Variants in OARD1 observed in about 807,000 individuals in gnomAD.
OARD1 encodes the protein ADP-ribose glycohydrolase OARD1.
Under a neutral mutation model 19.7 loss-of-function variants are expected in OARD1, and 19 were observed. The ratio of observed to expected loss-of-function variants is 0.96; its 90% confidence interval spans 0.67 to 1.41. OARD1 has a LOEUF of 1.41. Ranked by LOEUF, OARD1 falls within the 40% of genes most tolerant of loss-of-function variation. The pLI, the probability that OARD1 is intolerant of heterozygous loss-of-function variation, is 0.00. For synonymous variants in OARD1, 70 were observed against 61.8 expected (o/e 1.13, Z -0.62); for missense variants, 190 against 183.8 (o/e 1.03, Z -0.20).
chr6:41,076,857 A>C (rs553000253), upstream of OARD1, among the ~76,000 whole-genome samples: 1 of 152,338 alleles, frequency 6.6e-6, no homozygotes, highest in South Asian at 2.1e-4. Flanking sequence ...TACTGAAGCC[A>C]GTTGCTTATA....
upstream of OARD1, among the ~76,000 whole-genome samples, chr6:41,074,472 C>G (rs1176115294): frequency 6.6e-6 from 1 of 152,196 alleles, no homozygotes; most frequent in East Asian, 1.9e-4. Flanking sequence ...AGTATCCATG[C>G]GTGAGCTAGC....
At chr6:41,092,051 A>G (rs570047996) in intron 1 of OARD1, among the ~76,000 whole-genome samples, 1 of 152,376 alleles carries the variant, frequency 6.6e-6, no homozygotes, top group South Asian at 2.1e-4. Flanking sequence ...GCTAAAAATT[A>G]GAAAGATTGT....
Position 41,071,628 on chromosome 6 carries a change from T to C in OARD1, c.7A>G (p.Ser3Gly). Reference protein sequence around the residue: MASSLNEDPEGSR... With the variant: MAGSLNEDPEGSR... ...CCTTCTGGATCTTCATTAAGGCTGCTGGCCATGATACTGAGTCGCTATTTC... is the reference window on the plus strand; with the variant it reads ...CCTTCTGGATCTTCATTAAGGCTGCCGGCCATGATACTGAGTCGCTATTTC... Residue 3 changes from serine (S) to glycine (G), a missense_variant, in exon 2 of 6, where the codon AGC (serine) becomes GGC (glycine). Ser to Gly is a moderately conservative substitution (Grantham distance 56). Transcript: ENST00000424266. 1.2e-6 allele frequency: 2 copies of C among 1,613,372 alleles called. No homozygotes were observed. The highest frequency in any genetic ancestry group is 1.7e-6 in the Non-Finnish European group (2 of 1,179,244).
intron 1 of OARD1, among the ~76,000 whole-genome samples, chr6:41,084,556 G>T (rs757183551): frequency 6.6e-6 from 1 of 152,158 alleles, no homozygotes; most frequent in Non-Finnish European, 1.5e-5. Flanking sequence ...GAAAACTGAC[G>T]TATAGAAAGG....
At chr6:41,071,362 A>G (rs1763375214) in intron 2 of OARD1, 86 bp from the exon 3 acceptor site, 1 of 1,324,754 alleles carries the variant, frequency 7.5e-7, no homozygotes, top group South Asian at 1.3e-5. Flanking sequence ...GTCCCCCACG[A>G]CTACCTCTCC....
chr6:41,071,046 T>C lies in OARD1; in HGVS notation c.184+86A>G. 5 of 1,358,052 alleles carry C rather than the reference T, an allele frequency of 3.7e-6. No individual in the cohort carries two copies. The South Asian group carries it at 5.8e-5, about 16-fold the overall frequency. The allele number at this position is 1,358,052 out of a possible 1,614,324, so 84.1% of individuals were successfully genotyped here. The stretch of plus-strand genomic sequence containing the variant: ...AAACATTTGGTTCTTAGGAATCCCC[T>C]CTTTACACGCATATTTTATTAAAGT... On this transcript the variant is annotated intron_variant, in intron 3 of 5. Coordinates refer to ENST00000424266, the MANE Select transcript of OARD1 (RefSeq NM_001329686.2).
intron 1 of OARD1, chr6:41,079,309 C>T: frequency 2.8e-6 from 2 of 719,998 alleles, no homozygotes; most frequent in Non-Finnish European, 4.7e-6. Context: ...GCTGAAATGC[C>T]ATGTCTAGCC....
intron 1 of OARD1, chr6:41,079,200 T>C (rs1561850499): frequency 3.1e-6 from 5 of 1,588,192 alleles, no homozygotes; most frequent in Non-Finnish European, 4.3e-6. Context: ...ATTACAGCAA[T>C]GAAACTGATA....
In OARD1 at chr6:41,084,236, G is replaced by T. The variant is rs1490093179; in HGVS notation, c.-41-12561C>A. The T allele has an allele frequency of 1.9e-6, 3 of 1,589,714 alleles. No homozygotes were observed. In the Middle Eastern group the frequency reaches 5.0e-4, roughly 267 times the overall value. ...TATTGAGCAGTATATCAGAGGAGAG[G>T]TTTCAAAGAATAGATTATTACAACC... On this transcript the variant is annotated intron_variant, in intron 1 of 4. Coordinates refer to the OARD1 transcript ENST00000480585.
chr6:41,084,689 G>A (rs773029178), intron 1 of OARD1, among the ~76,000 whole-genome samples: 4 of 152,240 alleles, frequency 2.6e-5, no homozygotes, highest in Non-Finnish European at 4.4e-5. Flanking sequence ...AAGGCCAGGC[G>A]CAGTGGCTCA....
At chr6:41,070,270 C>T (rs546462229) in intron 3 of OARD1, 136 bp from the exon 4 acceptor site, 19 of 625,182 alleles carry the variant, frequency 3.0e-5, no homozygotes, top group Admixed American at 1.5e-4. Flanking sequence ...TAGGGAAGAC[C>T]TATTGTCTCC....
At chr6:41,074,301 A>G (rs923551294), upstream of OARD1, among the ~76,000 whole-genome samples, 8 of 152,218 alleles carry the variant, frequency 5.3e-5, no homozygotes, top group Non-Finnish European at 1.0e-4. Context: ...TTGGCAACCA[A>G]TTATCCAGCA....
intron 5 of OARD1, among the ~76,000 whole-genome samples, chr6:41,068,502 T>C (rs1239857382): frequency 6.6e-6 from 1 of 152,270 alleles, no homozygotes; most frequent in African/African-American, 2.4e-5. Flanking sequence ...CTTGATTCTT[T>C]AGCTTACATT....
intron 1 of OARD1, chr6:41,090,310 G>T: frequency 6.2e-7 from 1 of 1,609,740 alleles, no homozygotes; most frequent in Non-Finnish European, 8.5e-7. Context: ...CTCCAGCAAG[G>T]TAAGTGTACC....
In OARD1 at chr6:41,068,798, A is replaced by G. The variant is rs773571292; in HGVS notation, c.356+43T>C. On this transcript the variant is annotated intron_variant, in intron 5 of 5. Transcript: ENST00000424266. The stretch of plus-strand genomic sequence containing the variant: ...GTCTTTGGGTAAGATAGTAAACCCC[A>G]CCAATCAATTAAATCTCCATTTAGG... 1.2e-5 allele frequency: 13 copies of G among 1,059,398 alleles called. 1 individual carries two copies. Among genetic ancestry groups the G allele is most frequent in the Middle Eastern group, 2.1e-4 (1 of 4,870 alleles). The allele number at this position is 1,059,398 out of a possible 1,614,324, so 65.6% of individuals were successfully genotyped here. A position where few individuals can be genotyped will look rare whatever the true frequency, so the allele number is the denominator to read the frequency against.
chr6:41,085,869 G>T (rs995915113), intron 1 of OARD1, among the ~76,000 whole-genome samples: 1 of 151,832 alleles, frequency 6.6e-6, no homozygotes, highest in Non-Finnish European at 1.5e-5. Flanking sequence ...AAACATTTGG[G>T]CACGATAGTT....
chr6:41,081,679 C>T (rs1371235935), intron 1 of OARD1, among the ~76,000 whole-genome samples: 2 of 152,126 alleles, frequency 1.3e-5, no homozygotes, highest in African/African-American at 4.8e-5. Flanking sequence ...TTGCACTTGG[C>T]AAGGTTTATC....
intron 3 of OARD1, among the ~76,000 whole-genome samples, chr6:41,070,645 A>G (rs1220326614): frequency 6.6e-6 from 1 of 152,242 alleles, no homozygotes; most frequent in African/African-American, 2.4e-5. Context: ...GTCTAAGGCT[A>G]AGAATCACTG....
At chr6:41,068,529 C>T (rs1156754470) in intron 5 of OARD1, among the ~76,000 whole-genome samples, 1 of 152,206 alleles carries the variant, frequency 6.6e-6, no homozygotes, top group Non-Finnish European at 1.5e-5. Flanking sequence ...GGAATAAAGG[C>T]CAAGCTTCAA....
Sources: allele counts gnomAD v4.1 joint callset (sites outside exome capture counted in the v4.1 genomes callset), GRCh38; gene constraint gnomAD v4.1.1; transcripts MANE v1.5; gene names NCBI Gene and HGNC (gene_info 2026-07-23, HGNC 2026-07-21).